Variants in GALNT10 observed in about 807,000 individuals in gnomAD.
GALNT10 encodes polypeptide N-acetylgalactosaminyltransferase 10, also known as GalNAc transferase 10.
A neutral mutation model predicts 75.0 loss-of-function variants in GALNT10; 41 were observed. The ratio of observed to expected loss-of-function variants is 0.55; its 90% CI spans 0.43 to 0.71. The LOEUF (loss-of-function observed/expected upper bound fraction) is 0.71. Ranked by LOEUF, GALNT10 falls within the 30% of genes least tolerant of loss-of-function variation. The pLI is 0.00. For missense variants in GALNT10, 727 were observed against 818.5 expected (o/e 0.89, Z 1.36); for synonymous variants, 302 against 313.0 (o/e 0.96, Z 0.37).
intron 7 of GALNT10, among the ~76,000 whole-genome samples, chr5:154,393,675 A>C (rs1165960401): frequency 6.6e-6 from 1 of 152,062 alleles, no homozygotes; most frequent in Non-Finnish European, 1.5e-5. Flanking sequence ...CTCTAAAAAA[A>C]AGTTCTTTTA....
chr5:154,190,812 G>C lies in GALNT10; in HGVS notation c.-55G>C. 1 of 986,800 alleles carries C rather than the reference G, an allele frequency of 1.0e-6. No homozygotes were observed. Among genetic ancestry groups the C allele is most frequent in the Non-Finnish European group, 1.2e-6 (1 of 816,136 alleles). The allele number at this position is 986,800 out of a possible 1,614,324, so 61.1% of individuals were successfully genotyped here. On this transcript the variant is annotated 5_prime_UTR_variant, in exon 1 of 12. Transcript: ENST00000297107. ...CGCCGGGCGGACGGGCGGACGCGCG[G>C]AGCTGGGGGCGGCGCGGCGGGGCCG... is the stretch of plus-strand genomic sequence containing the variant.
chr5:154,222,967 T>TA (rs920787454), intron 1 of GALNT10, among the ~76,000 whole-genome samples: 13 of 152,182 alleles, frequency 8.5e-5, no homozygotes, highest in African/African-American at 3.1e-4. Flanking sequence ...CAGGGATAAG[T>TA]AAGACATTGA....
rs139966899 is a variant in GALNT10, at chr5:154,339,369, G to A, written c.568+9631G>A. Among the ~76,000 whole-genome samples, 221 of 152,274 alleles carry A rather than the reference G, an allele frequency of 1.5e-3. 2 individuals are homozygous for A. The highest frequency in any genetic ancestry group is 5.1e-3 in the African/African-American group (210 of 41,544). ...CGCTTCTCCCTCAGACTCCAAAGGA[G>A]AGAACAGCTAAGAAGATTAAAACTG... On this transcript the variant is annotated intron_variant, in intron 4 of 11. Transcript: ENST00000297107.
At chr5:154,319,336 G>A (rs1382368191) in intron 3 of GALNT10, among the ~76,000 whole-genome samples, 2 of 152,198 alleles carry the variant, frequency 1.3e-5, no homozygotes, top group African/African-American at 4.8e-5. Flanking sequence ...ACATGTTAGC[G>A]GCAGGACAGT....
At chr5:154,286,388 T>TG (rs1407769921) in intron 1 of GALNT10, among the ~76,000 whole-genome samples, 4 of 114,512 alleles carry the variant, frequency 3.5e-5, no homozygotes, top group African/African-American at 1.6e-4. Context: ...TCGATTTGTT[T>TG]TTTTTTTTTT....
chr5:154,381,627 A>G (rs1045905168), intron 6 of GALNT10, among the ~76,000 whole-genome samples: 6 of 152,216 alleles, frequency 3.9e-5, no homozygotes, highest in Non-Finnish European at 8.8e-5. Flanking sequence ...TTACTGGGCT[A>G]AAATCATAGT....
chr5:154,227,408 T>TG (rs1374288685), intron 1 of GALNT10, among the ~76,000 whole-genome samples: 1 of 152,264 alleles, frequency 6.6e-6, no homozygotes. Context: ...TAATGAACAA[T>TG]GATACTGAGC....
chr5:154,225,997 G>T (rs930091945), intron 1 of GALNT10, among the ~76,000 whole-genome samples: 11 of 152,036 alleles, frequency 7.2e-5, no homozygotes, highest in South Asian at 4.2e-4. Context: ...GTAGGGGAAG[G>T]GGGGAGGGAT....
chr5:154,361,852 G>GGGTAAC (rs1755393835), intron 4 of GALNT10, among the ~76,000 whole-genome samples: 1 of 152,148 alleles, frequency 6.6e-6, no homozygotes, highest in African/African-American at 2.4e-5. Flanking sequence ...CACAAGAATC[G>GGGTAAC]GGTAACCAGT....
chr5:154,382,727 A>G (rs1191833228), intron 6 of GALNT10, among the ~76,000 whole-genome samples: 1 of 152,218 alleles, frequency 6.6e-6, no homozygotes, highest in Admixed American at 6.5e-5. Context: ...CAAGGGGGTA[A>G]TTAGAACCTC....
intron 1 of GALNT10, among the ~76,000 whole-genome samples, chr5:154,234,181 T>C (rs911456290): frequency 2.0e-5 from 3 of 152,208 alleles, no homozygotes; most frequent in African/African-American, 7.2e-5. Flanking sequence ...ACGGCACTTA[T>C]AAAATGCATT....
intron 1 of GALNT10, among the ~76,000 whole-genome samples, chr5:154,279,278 G>GTTT (rs773295700): frequency 1.7e-5 from 1 of 59,120 alleles, no homozygotes; most frequent in Non-Finnish European, 4.8e-5. Flanking sequence ...GCTAGTTTTT[G>GTTT]TTGTTGTTGT....
At chr5:154,381,718 A>C (rs1352421208) in intron 6 of GALNT10, among the ~76,000 whole-genome samples, 2 of 152,158 alleles carry the variant, frequency 1.3e-5, no homozygotes, top group Non-Finnish European at 2.9e-5. Context: ...GGATGCTTAC[A>C]TTCCTTGGCT....
At chr5:154,373,596 GGGCTCTA>G (rs1206151287) in intron 4 of GALNT10, among the ~76,000 whole-genome samples, 3 of 152,038 alleles carry the variant, frequency 2.0e-5, no homozygotes, top group Non-Finnish European at 2.9e-5. Flanking sequence ...ATGCAAGCAG[GGGCTCTA>G]TAATTGTTCC....
chr5:154,260,461 TGAG>T (rs560486026), intron 1 of GALNT10, among the ~76,000 whole-genome samples: 45 of 152,320 alleles, frequency 3.0e-4, no homozygotes, highest in African/African-American at 1.1e-3. Context: ...ACTCTGGAAC[TGAG>T]GTTTCTGGCT....
chr5:154,250,549 G>A (rs1031184398), intron 1 of GALNT10, among the ~76,000 whole-genome samples: 3 of 152,256 alleles, frequency 2.0e-5, no homozygotes, highest in South Asian at 2.1e-4. Flanking sequence ...CCAGGTTAAA[G>A]TTTCTCATCG....
chr5:154,199,940 A>T (rs1426094953), intron 1 of GALNT10, among the ~76,000 whole-genome samples: 1 of 152,182 alleles, frequency 6.6e-6, no homozygotes, highest in Admixed American at 6.5e-5. Context: ...ATTAAATAAC[A>T]GTTGTGAGGA....
intron 4 of GALNT10, among the ~76,000 whole-genome samples, chr5:154,344,657 G>A (rs1755092814): frequency 6.6e-6 from 1 of 152,118 alleles, no homozygotes; most frequent in Non-Finnish European, 1.5e-5. Context: ...AAAAGCTCAA[G>A]TTCAGGTATT....
chr5:154,334,343 G>T (rs915641107), intron 4 of GALNT10, among the ~76,000 whole-genome samples: 8 of 152,234 alleles, frequency 5.3e-5, no homozygotes, highest in African/African-American at 1.7e-4. Flanking sequence ...ACTGCACTTT[G>T]CCAGGGGTCT....
Sources: gnomAD v4.1 joint callset for allele counts (sites outside exome capture counted in the v4.1 genomes callset) on GRCh38, gnomAD v4.1.1 for gene constraint, MANE v1.5 for transcripts, NCBI Gene and HGNC (gene_info 2026-07-23, HGNC 2026-07-21) for gene names.